The following VAV3 variants were observed in gnomAD, a reference collection of about 807,000 sequenced individuals.
VAV3 encodes guanine nucleotide exchange factor VAV3.
Under a neutral mutation model 131.2 loss-of-function variants are expected in VAV3, and 94 were observed. That is an observed-to-expected ratio of 0.72 (90% CI 0.61 to 0.85). The LOEUF is 0.85. Among genes scored for constraint, VAV3 ranks in the 40% least tolerant of loss-of-function variants. VAV3 has a pLI of 0.00. For synonymous variants in VAV3, 349 were observed against 342.0 expected (o/e 1.02, Z -0.22); for missense variants, 939 against 1,002.7 (o/e 0.94, Z 0.86).
intron 1 of VAV3, among the ~76,000 whole-genome samples, chr1:107,893,562 G>A (rs989887852): frequency 3.9e-5 from 6 of 152,072 alleles, no homozygotes; most frequent in African/African-American, 1.4e-4. Flanking sequence ...TGTCTTACAT[G>A]GATGGCAGCA....
At chr1:107,611,168 AT>A (rs1387917740) in intron 21 of VAV3, among the ~76,000 whole-genome samples, 1 of 152,206 alleles carries the variant, frequency 6.6e-6, no homozygotes, top group East Asian at 1.9e-4. Context: ...TCCAATGAGC[AT>A]TTCCTTTGAG....
At chr1:107,936,005 G>C (rs1474663163) in intron 1 of VAV3, among the ~76,000 whole-genome samples, 1 of 152,146 alleles carries the variant, frequency 6.6e-6, no homozygotes, top group African/African-American at 2.4e-5. Context: ...ACACATTTAT[G>C]CCCCTTTTGG....
intron 11 of VAV3, 32 bp from the exon 12 acceptor site, chr1:107,755,545 G>A: frequency 1.3e-6 from 2 of 1,512,772 alleles, no homozygotes; most frequent in Non-Finnish European, 9.1e-7. Context: ...AGAAAAAGAA[G>A]GCACACTAAG....
chr1:107,943,074 T>C (rs1674077386), intron 1 of VAV3, among the ~76,000 whole-genome samples: 1 of 152,202 alleles, frequency 6.6e-6, no homozygotes, highest in South Asian at 2.1e-4. Flanking sequence ...GCAGAGAGGA[T>C]GTGTTCCTTT....
chr1:107,717,313 C>T (rs1238805645), intron 15 of VAV3, among the ~76,000 whole-genome samples: 1 of 152,170 alleles, frequency 6.6e-6, no homozygotes, highest in Non-Finnish European at 1.5e-5. Flanking sequence ...TTCTCTAGTT[C>T]TTTTAACTGT....
chr1:107,613,471 T>C (rs947698535), intron 21 of VAV3, among the ~76,000 whole-genome samples: 3 of 152,152 alleles, frequency 2.0e-5, no homozygotes, highest in African/African-American at 7.2e-5. Context: ...CTGTGTCTGA[T>C]ATGCCATGTA....
chr1:107,710,021 T>C (rs1453705711), intron 15 of VAV3, among the ~76,000 whole-genome samples: 1 of 152,226 alleles, frequency 6.6e-6, no homozygotes, highest in Non-Finnish European at 1.5e-5. Context: ...CAATGTAAAA[T>C]AATAATACAT....
intron 2 of VAV3, among the ~76,000 whole-genome samples, chr1:107,842,443 T>C (rs912821608): frequency 6.6e-6 from 1 of 152,214 alleles, no homozygotes; most frequent in Admixed American, 6.5e-5. Context: ...GTGTCTCTTA[T>C]AAACAGTGTA....
chr1:107,575,635 C>T (rs1649593235), intron 25 of VAV3, among the ~76,000 whole-genome samples: 1 of 152,156 alleles, frequency 6.6e-6, no homozygotes, highest in South Asian at 2.1e-4. Context: ...AAAAACACCC[C>T]TATGATGGAA....
intron 21 of VAV3, among the ~76,000 whole-genome samples, chr1:107,616,804 C>T (rs147987463): frequency 4.7e-4 from 71 of 152,120 alleles, no homozygotes; most frequent in African/African-American, 1.5e-3. Context: ...ATAGCAAGCA[C>T]GATAGATTAA....
At chr1:107,676,026 T>C (rs1464506605) in intron 19 of VAV3, among the ~76,000 whole-genome samples, 1 of 152,144 alleles carries the variant, frequency 6.6e-6, no homozygotes, top group African/African-American at 2.4e-5. Flanking sequence ...AAGGACAAGG[T>C]AGGAGAGGTG....
intron 2 of VAV3, among the ~76,000 whole-genome samples, chr1:107,793,193 A>G (rs1464224184): frequency 6.6e-6 from 1 of 152,158 alleles, no homozygotes; most frequent in African/African-American, 2.4e-5. Context: ...GAAAAAGAGA[A>G]AAGAAACTTG....
At chr1:107,890,348 T>C (rs1413419976) in intron 1 of VAV3, among the ~76,000 whole-genome samples, 1 of 152,216 alleles carries the variant, frequency 6.6e-6, no homozygotes, top group Non-Finnish European at 1.5e-5. Flanking sequence ...TATAGAATAC[T>C]AACCAGGTTG....
In VAV3 at chr1:107,697,221, T is replaced by C. The variant is rs2494058; in HGVS notation, c.1705+7329A>G. On this transcript the variant is annotated intron_variant, in intron 17 of 26. Coordinates refer to ENST00000370056, the MANE Select transcript of VAV3 (RefSeq NM_006113.5). Reference sequence around the variant, plus strand: ...GAGATTCTTCTTCCCCCTAAAGACATTGCCCCTTATAAGGGCTACCCAGCA... The same window carrying C: ...GAGATTCTTCTTCCCCCTAAAGACACTGCCCCTTATAAGGGCTACCCAGCA... Among the ~76,000 whole-genome samples, 890 of 152,224 alleles carry C rather than the reference T, an allele frequency of 5.8e-3. 11 individuals are homozygous for C. Among genetic ancestry groups the C allele is most frequent in the African/African-American group, 0.02 (842 of 41,522 alleles).
intron 2 of VAV3, among the ~76,000 whole-genome samples, chr1:107,798,240 C>T (rs1666645438): frequency 1.3e-5 from 2 of 152,070 alleles, no homozygotes; most frequent in Admixed American, 6.5e-5. Context: ...CATCCAAAAG[C>T]TAGATTGTTC....
At chr1:107,632,841 C>T (rs141419053) in intron 20 of VAV3, among the ~76,000 whole-genome samples, 142 of 152,314 alleles carry the variant, frequency 9.3e-4, no homozygotes, top group African/African-American at 3.4e-3. Context: ...CTAATCATTA[C>T]ATATACCCCA....
chr1:107,698,891 T>C (rs759921507), intron 17 of VAV3, among the ~76,000 whole-genome samples: 20 of 152,242 alleles, frequency 1.3e-4, no homozygotes, highest in Non-Finnish European at 2.8e-4. Flanking sequence ...TGAGAACTTA[T>C]TCACTATCAT....
At chr1:107,802,263 T>C (rs528547249) in intron 2 of VAV3, among the ~76,000 whole-genome samples, 174 of 152,226 alleles carry the variant, frequency 1.1e-3, no homozygotes, top group African/African-American at 3.9e-3. Context: ...GTGGACTCTT[T>C]AGATTTTTCT....
intron 19 of VAV3, among the ~76,000 whole-genome samples, chr1:107,663,372 A>C (rs1045678413): frequency 4.6e-5 from 7 of 152,160 alleles, no homozygotes; most frequent in Admixed American, 2.0e-4. Context: ...TATTACTCTT[A>C]AAAAAATAAA....
Sources: gnomAD v4.1 joint callset for allele counts (sites outside exome capture counted in the v4.1 genomes callset) on GRCh38, gnomAD v4.1.1 for gene constraint, MANE v1.5 for transcripts, NCBI Gene and HGNC (gene_info 2026-07-23, HGNC 2026-07-21) for gene names.